DSCAML1: variants seen among roughly 807,000 people sequenced by gnomAD.
DSCAML1 encodes the protein cell adhesion molecule DSCAML1.
A neutral mutation model predicts 200.5 loss-of-function variants in DSCAML1; 38 were observed. That is an observed-to-expected ratio of 0.19 (90% CI 0.15 to 0.25). The LOEUF (loss-of-function observed/expected upper bound fraction) is 0.25, where lower values mean the gene tolerates loss of function less well. DSCAML1 is among the 10% of genes least tolerant of loss of function. The probability of loss-of-function intolerance (pLI) is 1.00; values close to 1 mark genes in which losing one functional copy is unlikely to be tolerated. For missense variants in DSCAML1, 2,223 were observed against 2,858.8 expected (o/e 0.78, Z 5.07); for synonymous variants, 1,215 against 1,165.0 (o/e 1.04, Z -0.87).
intron 3 of DSCAML1, among the ~76,000 whole-genome samples, chr11:117,639,718 G>C (rs903323978): frequency 2.0e-5 from 3 of 152,100 alleles, no homozygotes; most frequent in African/African-American, 7.2e-5. Flanking sequence ...GTGGGCAGCA[G>C]AGTGGACTCA....
intron 3 of DSCAML1, among the ~76,000 whole-genome samples, chr11:117,737,558 C>T (rs960755464): frequency 6.6e-6 from 1 of 152,146 alleles, no homozygotes; most frequent in South Asian, 2.1e-4. Flanking sequence ...AACATGCTGC[C>T]CCAGGTGGCC....
intron 1 of DSCAML1, among the ~76,000 whole-genome samples, chr11:117,810,100 C>CACAT (rs1056310791): frequency 2.0e-5 from 3 of 152,124 alleles, no homozygotes; most frequent in African/African-American, 7.2e-5. Context: ...TACACACATT[C>CACAT]ACATACATAC....
intron 18 of DSCAML1, among the ~76,000 whole-genome samples, chr11:117,460,617 GGTCTGTGTACACCA>G (rs2048460968): frequency 1.3e-5 from 2 of 152,170 alleles, no homozygotes; most frequent in Non-Finnish European, 1.5e-5. Context: ...GTCACGTGAA[GGTCTGTGTACACCA>G]GTGGGCAGGA....
intron 3 of DSCAML1, among the ~76,000 whole-genome samples, chr11:117,629,546 A>G (rs1455487653): frequency 2.7e-5 from 4 of 147,574 alleles, no homozygotes; most frequent in Non-Finnish European, 4.6e-5. Flanking sequence ...AGAAATTACT[A>G]AGACAACCGG....
rs1565273480 is a variant in DSCAML1 at position 117,769,222 on chromosome 11, TTGTATATA to T, written c.511+7561_511+7568del. On this transcript the variant is annotated intron_variant, in intron 3 of 32. Coordinates refer to ENST00000651296, the MANE Select transcript of DSCAML1 (RefSeq NM_020693.4). ...ATATATATTATATATTTTATATATATTGTATATATTATATATTTTATATATGTATATAT... is the reference window on the plus strand; with the variant it reads ...ATATATATTATATATTTTATATATATTTATATATTTTATATATGTATATAT... Among the ~76,000 whole-genome samples, 277 of 28,726 alleles carry T rather than the reference TTGTATATA, an allele frequency of 9.6e-3. 5 individuals carry two copies. Among genetic ancestry groups the T allele is most frequent in the Non-Finnish European group, 0.022 (221 of 10,258 alleles). The allele number at this position is 28,726 out of a possible 152,430, so 18.8% of individuals were successfully genotyped here. A position where few individuals can be genotyped will look rare whatever the true frequency, so the allele number is the denominator to read the frequency against.
Position 117,518,323 on chromosome 11 carries a change from GGGACGAGAGA to G in DSCAML1, c.1510+133_1510+142del. 1 of 1,135,762 alleles carries G rather than the reference GGGACGAGAGA, an allele frequency of 8.8e-7. No individual in the cohort carries two copies. The highest frequency in any genetic ancestry group is 1.3e-6 in the Non-Finnish European group (1 of 779,994). 70.4% of individuals were successfully genotyped at this position (1,135,762 alleles called of 1,614,324 possible). ...TGGCGCTTGAGGAGGGCAGGAAAAG[GGGACGAGAGA>G]GGGGAGAGAGACCTCTACTAAAATC... is the stretch of plus-strand genomic sequence containing the variant. On this transcript the variant is annotated intron_variant, in intron 7 of 32. Coordinates refer to ENST00000651296, the MANE Select transcript of DSCAML1 (RefSeq NM_020693.4). The surrounding 1 kb of genome is among the most constrained non-coding windows in gnomAD (Gnocchi z 6.3).
upstream of DSCAML1, among the ~76,000 whole-genome samples, chr11:117,800,024 T>C (rs1591523075): frequency 6.6e-6 from 1 of 152,162 alleles, no homozygotes; most frequent in South Asian, 2.1e-4. Flanking sequence ...ACACGGAAGG[T>C]GCACACTGAG....
At chr11:117,575,915 C>T (rs1308517350) in intron 3 of DSCAML1, among the ~76,000 whole-genome samples, 1 of 151,946 alleles carries the variant, frequency 6.6e-6, no homozygotes, top group African/African-American at 2.4e-5. Context: ...CAAGCAAAGG[C>T]TTGGGCCCAC....
At position 117,495,564 on chromosome 11, in the gene DSCAML1, C is replaced by T. The variant is rs549918325; in HGVS notation, c.2359+8281G>A. 3.3e-5 allele frequency among the ~76,000 whole-genome samples: 5 copies of T among 152,148 alleles called. No individual in the cohort carries two copies. The South Asian group carries it at 6.2e-4, about 19-fold the overall frequency. On this transcript the variant is annotated intron_variant, in intron 11 of 32. Coordinates refer to ENST00000651296, the MANE Select transcript of DSCAML1 (RefSeq NM_020693.4). ...TCACACGAGTCATGAGTCACTTTAG[C>T]GGGGGGCAGGGGGTGGGAGCCTTAG... is the stretch of plus-strand genomic sequence containing the variant.
chr11:117,682,887 T>C (rs2053336238), intron 3 of DSCAML1, among the ~76,000 whole-genome samples: 1 of 152,192 alleles, frequency 6.6e-6, no homozygotes, highest in Non-Finnish European at 1.5e-5. Flanking sequence ...ATGAGGAAAC[T>C]GAGGCCCGAA....
At chr11:117,640,095 G>A (rs2052374699) in intron 3 of DSCAML1, among the ~76,000 whole-genome samples, 1 of 152,166 alleles carries the variant, frequency 6.6e-6, no homozygotes, top group Non-Finnish European at 1.5e-5. Flanking sequence ...GTCTTGTTCT[G>A]CAGTGACAGT....
intron 3 of DSCAML1, among the ~76,000 whole-genome samples, chr11:117,533,155 T>C (rs914904524): frequency 5.3e-5 from 8 of 151,828 alleles, no homozygotes; most frequent in African/African-American, 1.9e-4. Flanking sequence ...AAAGTAAAAA[T>C]AAAAATAATA....
rs371570784 is a variant in DSCAML1, at chr11:117,787,174, C to G, written c.47-6364G>C. ...GTAACCCCAGGCAAGACTGCCTCAC[C>G]TTTCTGTGCCTCAGTTTCCCCATCT... On this transcript the variant is annotated intron_variant, in intron 1 of 32. Coordinates refer to ENST00000651296, the MANE Select transcript of DSCAML1 (RefSeq NM_020693.4). Among the ~76,000 whole-genome samples, 3 of 152,326 alleles carry G rather than the reference C, an allele frequency of 2.0e-5. No homozygotes were observed. The South Asian group carries it at 6.2e-4, about 32-fold the overall frequency.
rs2047931681 is a variant in DSCAML1, at chr11:117,437,038, CTT to C, written c.4720+82_4720+83del. On this transcript the variant is annotated intron_variant, in intron 26 of 32. Coordinates refer to ENST00000651296, the MANE Select transcript of DSCAML1 (RefSeq NM_020693.4). The surrounding 1 kb of genome is among the most constrained non-coding windows in gnomAD (Gnocchi z 5.3). ...TGCCTGTTTTTCTATTAGTCTGTCT[CTT>C]TATGTATCTGCCACTCTGCCCACTT... 3.3e-6 allele frequency: 5 copies of C among 1,513,426 alleles called. No individual in the cohort carries two copies. In the South Asian group the frequency reaches 5.1e-5, roughly 15 times the overall value. The allele number at this position is 1,513,426 out of a possible 1,614,324, so 93.7% of individuals were successfully genotyped here. A position where few individuals can be genotyped will look rare whatever the true frequency, so the allele number is the denominator to read the frequency against.
At chr11:117,765,816 C>T (rs1206767158) in intron 3 of DSCAML1, among the ~76,000 whole-genome samples, 2 of 152,150 alleles carry the variant, frequency 1.3e-5, no homozygotes, top group Non-Finnish European at 2.9e-5. Context: ...AAGTTAGGTG[C>T]GGAGTCAGGG....
intron 3 of DSCAML1, among the ~76,000 whole-genome samples, chr11:117,687,930 C>T (rs931154342): frequency 6.6e-5 from 10 of 152,124 alleles, no homozygotes; most frequent in African/African-American, 2.4e-4. Flanking sequence ...CCACGTGGTC[C>T]AAGTAACAAG....
chr11:117,496,789 TG>T (rs1310502540), intron 11 of DSCAML1, among the ~76,000 whole-genome samples: 3 of 152,192 alleles, frequency 2.0e-5, no homozygotes, highest in Admixed American at 2.0e-4. Flanking sequence ...GGAGGATGCA[TG>T]GGCAGGTTCA....
At chr11:117,449,983 C>T (rs1431943835) in intron 20 of DSCAML1, among the ~76,000 whole-genome samples, 2 of 152,210 alleles carry the variant, frequency 1.3e-5, no homozygotes, top group Non-Finnish European at 1.5e-5. Flanking sequence ...GGGGCTGCCC[C>T]CTCTGCTCCC....
At chr11:117,434,164 C>A (rs779529094) in intron 27 of DSCAML1, among the ~76,000 whole-genome samples, 11 of 152,166 alleles carry the variant, frequency 7.2e-5, no homozygotes, top group Non-Finnish European at 1.3e-4. Flanking sequence ...GTCTGGCTAT[C>A]CATTCACCCA....
Sources: allele counts gnomAD v4.1 joint callset (sites outside exome capture counted in the v4.1 genomes callset), GRCh38; gene constraint gnomAD v4.1.1; non-coding constraint Gnocchi (gnomAD v3.1); transcripts MANE v1.5; gene names NCBI Gene and HGNC (gene_info 2026-07-23, HGNC 2026-07-21).